LCLAT1: variants seen among roughly 807,000 people sequenced by gnomAD.
LCLAT1 encodes 1-AGP acyltransferase 8.
LCLAT1 carries 11 observed loss-of-function variants against 30.7 expected under a neutral mutation model. The observed-to-expected ratio is 0.36, with a 90% CI of 0.23 to 0.59. The LOEUF (loss-of-function observed/expected upper bound fraction) is 0.59, where lower values mean the gene tolerates loss of function less well. Ranked by LOEUF, LCLAT1 falls within the 20% of genes least tolerant of loss-of-function variation. The probability of loss-of-function intolerance (pLI) is 0.77; values close to 1 mark genes in which losing one functional copy is unlikely to be tolerated. For missense variants in LCLAT1, 402 were observed against 458.6 expected, an observed-to-expected ratio of 0.88 and a Z score of 1.13; for synonymous variants, 155 against 151.3, an observed-to-expected ratio of 1.02 and a Z score of -0.18.
At chr2:30,540,895 C>T (rs1490077433) in intron 3 of LCLAT1, among the ~76,000 whole-genome samples, 1 of 151,910 alleles carries the variant, frequency 6.6e-6, no homozygotes, top group African/African-American at 2.4e-5. Context: ...GAACTCCTGA[C>T]CTCATGATTC....
chr2:30,518,524 G>A (rs530390411), intron 1 of LCLAT1, among the ~76,000 whole-genome samples: 1 of 152,300 alleles, frequency 6.6e-6, no homozygotes, highest in African/African-American at 2.4e-5. Context: ...CAAAGTCTTA[G>A]TAATAGCAAA....
intron 5 of LCLAT1, among the ~76,000 whole-genome samples, chr2:30,595,723 C>T (rs1666901397): frequency 6.6e-6 from 1 of 152,114 alleles, no homozygotes; most frequent in African/African-American, 2.4e-5. Flanking sequence ...TGGTTTGCTG[C>T]ACCTATCAAC....
At chr2:30,584,199 G>A (rs761102645) in intron 5 of LCLAT1, among the ~76,000 whole-genome samples, 2 of 152,122 alleles carry the variant, frequency 1.3e-5, no homozygotes, top group East Asian at 1.9e-4. Context: ...TTCTGAATCC[G>A]TGTAGCAGTT....
chr2:30,520,315 A>C lies in LCLAT1; in HGVS notation c.-4-5272A>C, dbSNP rs184837751. Among the ~76,000 whole-genome samples, 6 of 152,364 alleles carry C rather than the reference A, an allele frequency of 3.9e-5. No individual in the cohort carries two copies. In the East Asian group the frequency reaches 9.6e-4, roughly 24 times the overall value. ...TCTCACTAAGTTTGTATAAATTCTA[A>C]AATTCAGAATAAGTTTTGTATGAGG... is the stretch of plus-strand genomic sequence containing the variant. On this transcript the variant is annotated intron_variant, in intron 1 of 5. Transcript: ENST00000379509.
At chr2:30,533,856 C>G (rs1686099735) in intron 3 of LCLAT1, among the ~76,000 whole-genome samples, 1 of 152,062 alleles carries the variant, frequency 6.6e-6, no homozygotes, top group Non-Finnish European at 1.5e-5. Flanking sequence ...GCTAGGAATA[C>G]AACATGTTCA....
chr2:30,592,276 T>A (rs1666731017), intron 5 of LCLAT1, among the ~76,000 whole-genome samples: 1 of 152,156 alleles, frequency 6.6e-6, no homozygotes, highest in South Asian at 2.1e-4. Flanking sequence ...AACTTAATAT[T>A]CATAGACCAA....
chr2:30,570,127 T>C (rs919500871), intron 5 of LCLAT1, among the ~76,000 whole-genome samples: 1 of 152,188 alleles, frequency 6.6e-6, no homozygotes, highest in Non-Finnish European at 1.5e-5. Flanking sequence ...ATCTGGAAAA[T>C]ATTTTAGTAG....
At chr2:30,607,552 T>C (rs1667512548) in intron 5 of LCLAT1, 1 of 152,246 alleles carries the variant, frequency 6.6e-6, no homozygotes, top group South Asian at 2.1e-4. Context: ...CTACCAGTTG[T>C]GTAAAACAGT....
chr2:30,534,606 A>G (rs1005837680), intron 3 of LCLAT1, among the ~76,000 whole-genome samples: 1 of 152,132 alleles, frequency 6.6e-6, no homozygotes, highest in African/African-American at 2.4e-5. Context: ...CTTTGTACTT[A>G]TATCTTTATC....
At chr2:30,462,064 G>T (rs1017121540) in intron 1 of LCLAT1, among the ~76,000 whole-genome samples, 2 of 152,084 alleles carry the variant, frequency 1.3e-5, no homozygotes, top group African/African-American at 4.8e-5. Flanking sequence ...GAGCCACCGC[G>T]CCCGGCCTAA....
At chr2:30,467,498 T>C (rs1682507925) in intron 1 of LCLAT1, among the ~76,000 whole-genome samples, 1 of 152,374 alleles carries the variant, frequency 6.6e-6, no homozygotes, top group East Asian at 1.9e-4. Context: ...CTGTAGATCC[T>C]TGAGGAATCG....
At chr2:30,527,873 T>C (rs1685794263) in intron 2 of LCLAT1, among the ~76,000 whole-genome samples, 1 of 152,212 alleles carries the variant, frequency 6.6e-6, no homozygotes, top group Non-Finnish European at 1.5e-5. Context: ...TAAACTGGTG[T>C]TTTGGAGAAA....
chr2:30,588,534 CCTCTT>C (rs1423471197), intron 5 of LCLAT1, among the ~76,000 whole-genome samples: 3 of 152,126 alleles, frequency 2.0e-5, no homozygotes, highest in South Asian at 2.1e-4. Context: ...CTCAAACTCT[CCTCTT>C]CTCTTTGTGC....
At position 30,584,533 on chromosome 2, in the gene LCLAT1, C is replaced by T. The variant is rs189968421; in HGVS notation, c.628+16357C>T. Among the ~76,000 whole-genome samples, 6 of 152,242 alleles carry T rather than the reference C, an allele frequency of 3.9e-5. No homozygotes were observed. In the East Asian group the frequency reaches 1.2e-3, roughly 29 times the overall value. On this transcript the variant is annotated intron_variant, in intron 5 of 5. Transcript: ENST00000379509. ...TATCACTGCTTTGTATGGTATAGAGCTTGATGGTGTATGGCCACACTCTGA... is the reference window on the plus strand; with the variant it reads ...TATCACTGCTTTGTATGGTATAGAGTTTGATGGTGTATGGCCACACTCTGA...
At chr2:30,563,764 A>G (rs1359197341) in intron 4 of LCLAT1, among the ~76,000 whole-genome samples, 1 of 152,254 alleles carries the variant, frequency 6.6e-6, no homozygotes, top group East Asian at 1.9e-4. Context: ...ATTACAAAAG[A>G]GAGTTCAAGA....
intron 3 of LCLAT1, among the ~76,000 whole-genome samples, chr2:30,548,491 G>T (rs773463147): frequency 6.6e-6 from 1 of 152,202 alleles, no homozygotes; most frequent in Non-Finnish European, 1.5e-5. Flanking sequence ...CCGAGTTTAT[G>T]TGAAGACCTG....
intron 1 of LCLAT1, among the ~76,000 whole-genome samples, chr2:30,523,694 C>T (rs1685579687): frequency 6.6e-6 from 1 of 152,080 alleles, no homozygotes; most frequent in South Asian, 2.1e-4. Context: ...ATGGTGAAAC[C>T]GTGTCTTTAC....
At chr2:30,451,487 A>T (rs1057026342) in intron 1 of LCLAT1, among the ~76,000 whole-genome samples, 6 of 152,262 alleles carry the variant, frequency 3.9e-5, no homozygotes, top group African/African-American at 1.4e-4. Context: ...CAAAAATTGG[A>T]TATAACTCAA....
At chr2:30,463,293 T>G (rs1276906434) in intron 1 of LCLAT1, among the ~76,000 whole-genome samples, 1 of 152,176 alleles carries the variant, frequency 6.6e-6, no homozygotes, top group Non-Finnish European at 1.5e-5. Context: ...CTTTATATTA[T>G]TAGGATTTTC....
Sources: allele counts gnomAD v4.1 joint callset (sites outside exome capture counted in the v4.1 genomes callset), GRCh38; gene constraint gnomAD v4.1.1; transcripts MANE v1.5; gene names NCBI Gene and HGNC (gene_info 2026-07-23, HGNC 2026-07-21).